The following IGLON5 variants were observed in gnomAD, a reference collection of about 807,000 sequenced individuals.
IGLON5 encodes the protein IgLON family member 5.
In IGLON5, 16 loss-of-function variants were observed where a neutral mutation model predicts 38.2. The observed-to-expected ratio is 0.42, with a 90% confidence interval of 0.28 to 0.64. IGLON5 has a LOEUF of 0.64. IGLON5 is among the 30% of genes least tolerant of loss of function. IGLON5 has a pLI of 0.23. For synonymous variants in IGLON5, 207 were observed against 216.4 expected, an observed-to-expected ratio of 0.96 and a Z score of 0.38; for missense variants, 366 against 483.4, an observed-to-expected ratio of 0.76 and a Z score of 2.28.
At chr19:51,313,111 C>T (rs1286629191) in intron 1 of IGLON5, among the ~76,000 whole-genome samples, 4 of 152,158 alleles carry the variant, frequency 2.6e-5, no homozygotes, top group African/African-American at 9.7e-5. Flanking sequence ...GCGTCCCACC[C>T]GAAGCAGCAC....
In IGLON5 at chr19:51,327,002, AG is replaced by A; in HGVS notation, c.647-75del. 6.3e-7 allele frequency: 1 copy of A among 1,588,512 alleles called. No individual in the cohort carries two copies. The highest frequency in any genetic ancestry group is 8.6e-7 in the Non-Finnish European group (1 of 1,169,010). On this transcript the variant is annotated intron_variant, in intron 5 of 7. Transcript: ENST00000270642. This position sits in a 1 kb window ranked among gnomAD's most constrained non-coding sequence, Gnocchi z 7.1. Reference sequence around the variant, plus strand: ...AGCGGGGGCGAGACTTACGGGCCTGAGGGAGGCGGGGGCTGGGGGCGGGACC... The same window carrying A: ...AGCGGGGGCGAGACTTACGGGCCTGAGGAGGCGGGGGCTGGGGGCGGGACC...
intron 1 of IGLON5, 90 bp from the exon 2 acceptor site, chr19:51,321,974 C>A: frequency 9.4e-7 from 1 of 1,067,436 alleles, no homozygotes; most frequent in Non-Finnish European, 1.4e-6. Flanking sequence ...TCTGTGTCCA[C>A]AAGGACGTGC....
Position 51,325,615 on chromosome 19 carries a change from A to G in IGLON5, c.511+150A>G. On this transcript the variant is annotated intron_variant, in intron 4 of 7. Coordinates refer to ENST00000270642, the MANE Select transcript of IGLON5 (RefSeq NM_001101372.3). This position sits in a 1 kb window ranked among gnomAD's most constrained non-coding sequence, Gnocchi z 5.5. ...CTCTGCTTCCAGTTATTTCATCCAC[A>G]GACCACAAACCCCAGACCTAAGAGG... The G allele has an allele frequency of 1.1e-6, 1 of 913,474 alleles. No homozygotes were observed. Among genetic ancestry groups the G allele is most frequent in the Non-Finnish European group, 1.6e-6 (1 of 626,116 alleles). The allele number at this position is 913,474 out of a possible 1,614,324, so 56.6% of individuals were successfully genotyped here.
chr19:51,316,174 C>T (rs1984916708), intron 1 of IGLON5, among the ~76,000 whole-genome samples: 1 of 90,754 alleles, frequency 1.1e-5, no homozygotes, highest in African/African-American at 6.8e-5. Context: ...GGGGAAACCC[C>T]ATATCTACAA....
intron 1 of IGLON5, among the ~76,000 whole-genome samples, chr19:51,312,309 G>A (rs1220115119): frequency 6.6e-6 from 1 of 151,918 alleles, no homozygotes; most frequent in East Asian, 1.9e-4. Flanking sequence ...CTGAGTTGGG[G>A]TGGGGGGCAG....
chr19:51,326,945 T>G, intron 5 of IGLON5, 47 bp downstream of exon 5: 1 of 1,570,580 alleles, frequency 6.4e-7, no homozygotes, highest in Non-Finnish European at 8.6e-7. Flanking sequence ...GACCCCCGAG[T>G]CCCTGGGGAG....
chr19:51,327,234 G>C lies in IGLON5; in HGVS notation c.767+34G>C, dbSNP rs1383899765. ...AGCACTGAGGGGGCCGTGGGAGCGG[G>C]AAGGGGAGGTCTTTAGTCCCTTCGA... is the stretch of plus-strand genomic sequence containing the variant. On this transcript the variant is annotated intron_variant, in intron 6 of 7. Coordinates refer to ENST00000270642, the MANE Select transcript of IGLON5 (RefSeq NM_001101372.3). This position sits in a 1 kb window ranked among gnomAD's most constrained non-coding sequence, Gnocchi z 7.1. The C allele has an allele frequency of 6.3e-7, 1 of 1,593,274 alleles. No individual in the cohort carries two copies. The highest frequency in any genetic ancestry group is 1.3e-5 in the African/African-American group (1 of 74,552).
intron 1 of IGLON5, among the ~76,000 whole-genome samples, chr19:51,315,077 T>C (rs1359824090): frequency 6.6e-6 from 1 of 152,198 alleles, no homozygotes; most frequent in East Asian, 1.9e-4. Flanking sequence ...TCCATAAATA[T>C]TCATCTATCT....
chr19:51,329,670 G>T lies in IGLON5; in HGVS notation c.*911G>T. 6.6e-6 allele frequency: 1 copy of T among 152,494 alleles called. No individual in the cohort carries two copies. The allele number at this position is 152,494 out of a possible 1,614,324, so 9.4% of individuals were successfully genotyped here. On this transcript the variant is annotated 3_prime_UTR_variant, in exon 8 of 8. Transcript: ENST00000270642. This position sits in a 1 kb window ranked among gnomAD's most constrained non-coding sequence, Gnocchi z 4.3. ...CTTGGCCTTGATTTCCCCACCTGCG[G>T]CACCAGCCAGCTGCCCTTGGGGCCT...
chr19:51,323,822 G>T lies in IGLON5; in HGVS notation c.319G>T (p.Glu107Ter). The T allele has an allele frequency of 6.2e-7, 1 of 1,613,488 alleles. No individual in the cohort carries two copies. Among genetic ancestry groups the T allele is most frequent in the Non-Finnish European group, 8.5e-7 (1 of 1,179,676 alleles). Residue 107 changes from glutamate to a stop codon, truncating the protein, a stop_gained, in exon 3 of 8, where the codon GAG becomes TAG. Coordinates refer to ENST00000270642, the MANE Select transcript of IGLON5 (RefSeq NM_001101372.3). LOFTEE classifies it high-confidence loss of function. ...ILITEVGLGD[E>*]GLYTCSFQTR... The stretch of plus-strand genomic sequence containing the variant: ...CATCACCGAGGTGGGGCTCGGCGAC[G>T]AGGGCCTCTACACCTGCTCCTTCCA...
intron 1 of IGLON5, among the ~76,000 whole-genome samples, chr19:51,312,803 C>T (rs1196231492): frequency 1.3e-5 from 2 of 152,146 alleles, no homozygotes; most frequent in African/African-American, 4.8e-5. Context: ...GGTTTCTGCA[C>T]TGAGGTTAGA....
In IGLON5 at chr19:51,323,654, C is replaced by G; in HGVS notation, c.159-8C>G. On this transcript the variant is annotated splice_region_variant and splice_polypyrimidine_tract_variant and intron_variant, in intron 2 of 7. Coordinates refer to ENST00000270642, the MANE Select transcript of IGLON5 (RefSeq NM_001101372.3). Reference sequence around the variant, plus strand: ...GGAGAAAAACCTTCCCACTCATTCTCCCTGCAGCTGCTTCATCGACGAGCA... The same window carrying G: ...GGAGAAAAACCTTCCCACTCATTCTGCCTGCAGCTGCTTCATCGACGAGCA... The G allele has an allele frequency of 1.9e-6, 3 of 1,603,972 alleles. No individual in the cohort carries two copies. Among genetic ancestry groups the G allele is most frequent in the Middle Eastern group, 1.7e-4 (1 of 6,036 alleles).
intron 2 of IGLON5, among the ~76,000 whole-genome samples, chr19:51,322,434 A>AG (rs1284595820): frequency 6.8e-6 from 1 of 147,628 alleles, no homozygotes; most frequent in African/African-American, 2.7e-5. Flanking sequence ...ATCCAGAGAG[A>AG]AGGGGACAGA....
rs1452445301 is a variant in IGLON5 at position 51,324,525 on chromosome 19, C to A, written c.391+631C>A. ...GGAGACAGAGAGAATCCAGGGGGAT[C>A]CTGGCAAGCTCCAACTCTGGAGCCA... On this transcript the variant is annotated intron_variant, in intron 3 of 7. Transcript: ENST00000270642. The surrounding 1 kb of genome is among the most constrained non-coding windows in gnomAD (Gnocchi z 4.2). Among the ~76,000 whole-genome samples the A allele has an allele frequency of 6.6e-6, 1 of 152,010 alleles. No homozygotes were observed. Among genetic ancestry groups the A allele is most frequent in the African/African-American group, 2.4e-5 (1 of 41,380 alleles).
chr19:51,329,130 GTGT>G lies in IGLON5; in HGVS notation c.*372_*374del. ...GGTGTCTGTGTCTCTGTTTGTGTGT[GTGT>G]GGGGGGGTGGGCTGGGGGAAGGGAC... On this transcript the variant is annotated 3_prime_UTR_variant, in exon 8 of 8. Coordinates refer to ENST00000270642, the MANE Select transcript of IGLON5 (RefSeq NM_001101372.3). This position sits in a 1 kb window ranked among gnomAD's most constrained non-coding sequence, Gnocchi z 4.3. 1 of 150,632 alleles carries G rather than the reference GTGT, an allele frequency of 6.6e-6. No homozygotes were observed. The highest frequency in any genetic ancestry group is 2.5e-5 in the African/African-American group (1 of 40,008). The allele number at this position is 150,632 out of a possible 1,614,324, so 9.3% of individuals were successfully genotyped here.
At chr19:51,322,451 G>C (rs1015439706) in intron 2 of IGLON5, among the ~76,000 whole-genome samples, 6 of 148,512 alleles carry the variant, frequency 4.0e-5, no homozygotes, top group African/African-American at 1.6e-4. Flanking sequence ...CAGAGATCCA[G>C]AGAGAAGGGG....
chr19:51,323,053 G>T (rs771826534), intron 2 of IGLON5, among the ~76,000 whole-genome samples: 2 of 138,572 alleles, frequency 1.4e-5, no homozygotes, highest in Non-Finnish European at 3.1e-5. Flanking sequence ...CTGGGTCTTT[G>T]TCTCTTTCTC....
At chr19:51,321,589 CTGTG>C (rs1322101495) in intron 1 of IGLON5, among the ~76,000 whole-genome samples, 1 of 152,042 alleles carries the variant, frequency 6.6e-6, no homozygotes, top group African/African-American at 2.4e-5. Context: ...GTATATGTGT[CTGTG>C]TGTATGTCTT....
In IGLON5 at chr19:51,327,861, G is replaced by A. The variant is rs896019505; in HGVS notation, c.897G>A (p.Ala299=). The change falls in exon 7 of 8, where the codon GCG becomes GCA. Residue 299 remains alanine (A), a synonymous_variant. Transcript: ENST00000270642. The surrounding 1 kb of genome is among the most constrained non-coding windows in gnomAD (Gnocchi z 7.1). ...GTCGCGCCGCCAACCGACTGGGAGC[G>A]TCCAGCGCCTCCATGCGGCTCCTGC... The part of the protein sequence containing the change: ...YTCRAANRLG[A]SSASMRLLRP... 1.3e-6 allele frequency: 2 copies of A among 1,536,460 alleles called. No homozygotes were observed. The highest frequency in any genetic ancestry group is 1.8e-6 in the Non-Finnish European group (2 of 1,139,836).
Sources: gnomAD v4.1 joint callset for allele counts (sites outside exome capture counted in the v4.1 genomes callset) on GRCh38, gnomAD v4.1.1 for gene constraint, Gnocchi (gnomAD v3.1) non-coding constraint, MANE v1.5 for transcripts, NCBI Gene and HGNC (gene_info 2026-07-23, HGNC 2026-07-21) for gene names.